PDE2A: variants seen among roughly 807,000 people sequenced by gnomAD.
The protein encoded by PDE2A is cGMP-dependent 3',5'-cyclic phosphodiesterase.
Under a neutral mutation model 133.6 loss-of-function variants are expected in PDE2A, and 53 were observed. That is an observed-to-expected ratio of 0.40 (90% CI 0.32 to 0.50). The LOEUF is 0.50. Ranked by LOEUF, PDE2A falls within the 20% of genes least tolerant of loss-of-function variation. PDE2A has a pLI of 0.73. For synonymous variants in PDE2A, 491 were observed against 490.2 expected, an observed-to-expected ratio of 1.00 and a Z score of -0.02; for missense variants, 796 against 1,232.4, an observed-to-expected ratio of 0.65 and a Z score of 5.30.
rs1161029854 is a variant in PDE2A, at chr11:72,578,860, G to A, written c.2469+37C>T. The A allele has an allele frequency of 1.5e-6, 2 of 1,326,094 alleles. No individual in the cohort carries two copies. Among genetic ancestry groups the A allele is most frequent in the South Asian group, 1.2e-5 (1 of 84,300 alleles). The allele number at this position is 1,326,094 out of a possible 1,614,324, so 82.1% of individuals were successfully genotyped here. A position where few individuals can be genotyped will look rare whatever the true frequency, so the allele number is the denominator to read the frequency against. ...GGGGGCACCCAAAGCTGGGCAGGGT[G>A]GGCAGCCTGTGCCTTCCCAGGGAGG... On this transcript the variant is annotated intron_variant, in intron 28 of 30. Transcript: ENST00000334456. The surrounding 1 kb of genome is among the most constrained non-coding windows in gnomAD (Gnocchi z 4.2).
In PDE2A at chr11:72,589,888, A is replaced by G. The variant is rs1461098513; in HGVS notation, c.831+19T>C. 4.2e-5 allele frequency: 67 copies of G among 1,611,398 alleles called. No homozygotes were observed. The highest frequency in any genetic ancestry group is 5.4e-5 in the Non-Finnish European group (64 of 1,178,580). ...TCGCCCAGCCCCGCCCCCGCTCTAC[A>G]GTGGACCTGGGCCCTCACCTTGCAA... is the stretch of plus-strand genomic sequence containing the variant. On this transcript the variant is annotated intron_variant, in intron 10 of 30. Coordinates refer to ENST00000334456, the MANE Select transcript of PDE2A (RefSeq NM_002599.5).
intron 1 of PDE2A, among the ~76,000 whole-genome samples, chr11:72,651,555 C>T (rs142078783): frequency 5.0e-4 from 76 of 152,272 alleles, no homozygotes; most frequent in Middle Eastern, 3.4e-3. Flanking sequence ...TAGACAAGTG[C>T]CTCCTGGAGA....
chr11:72,671,619 C>G (rs960075728), intron 1 of PDE2A, among the ~76,000 whole-genome samples: 1 of 151,990 alleles, frequency 6.6e-6, no homozygotes, highest in African/African-American at 2.4e-5. Flanking sequence ...GGAATGACTG[C>G]GGGGGGTGGG....
At position 72,584,770 on chromosome 11, in the gene PDE2A, C is replaced by T; in HGVS notation, c.1360-42G>A. 3 of 1,611,510 alleles carry T rather than the reference C, an allele frequency of 1.9e-6. No individual in the cohort carries two copies. In the South Asian group the frequency reaches 3.3e-5, roughly 18 times the overall value. On this transcript the variant is annotated intron_variant, in intron 17 of 30. Coordinates refer to ENST00000334456, the MANE Select transcript of PDE2A (RefSeq NM_002599.5). ...GGAGTCGAGAGGAAGAAGTTAGTGA[C>T]CCGGCCACAGAGGGGACTGTTAAAC... is the stretch of plus-strand genomic sequence containing the variant.
chr11:72,655,960 A>C (rs76162475), intron 1 of PDE2A, among the ~76,000 whole-genome samples: 2,243 of 152,236 alleles, frequency 0.015, 53 homozygotes, highest in African/African-American at 0.051. Context: ...CTTCTCCCCA[A>C]ACAAAATCAC....
At chr11:72,635,992 A>G in intron 2 of PDE2A, 1 of 1,246,136 alleles carries the variant, frequency 8.0e-7, no homozygotes, top group Non-Finnish European at 1.0e-6. Flanking sequence ...TGAGCTCCCG[A>G]AACTCCCATG....
At position 72,590,664 on chromosome 11, in the gene PDE2A, C is replaced by G. The variant is rs1223056165; in HGVS notation, c.550-84G>C. ...GCGGGATTCCTGCCTTTGCTCCCGC[C>G]GTTCCCTCTGCCTGCCGGGCCCAGG... On this transcript the variant is annotated intron_variant, in intron 7 of 30. Coordinates refer to ENST00000334456, the MANE Select transcript of PDE2A (RefSeq NM_002599.5). This position sits in a 1 kb window ranked among gnomAD's most constrained non-coding sequence, Gnocchi z 4.8. 1 of 1,254,272 alleles carries G rather than the reference C, an allele frequency of 8.0e-7. No individual in the cohort carries two copies. The highest frequency in any genetic ancestry group is 1.0e-6 in the Non-Finnish European group (1 of 975,234). The allele number at this position is 1,254,272 out of a possible 1,614,324, so 77.7% of individuals were successfully genotyped here.
chr11:72,579,567 G>A lies in PDE2A; in HGVS notation c.2223C>T (p.His741=), dbSNP rs372366765. 4.0e-5 allele frequency: 63 copies of A among 1,579,570 alleles called. No homozygotes were observed. Among genetic ancestry groups the A allele is most frequent in the Middle Eastern group, 1.7e-4 (1 of 5,914 alleles). Residue 741 remains histidine (H), a synonymous_variant, in exon 26 of 31, where the codon CAC becomes CAT. Transcript: ENST00000334456. ...FAQAIAILNT[H]GCNIFDHFSR... ...AGAAATGATCAAAGATGTTGCAGCC[G>A]TGGGTGTTGAGGATGGCGATGGCCT...
At position 72,578,383 on chromosome 11, in the gene PDE2A, T is replaced by C; in HGVS notation, c.2509-44A>G. On this transcript the variant is annotated intron_variant, in intron 29 of 30. Transcript: ENST00000334456. The surrounding 1 kb of genome is among the most constrained non-coding windows in gnomAD (Gnocchi z 4.2). ...CAGGCCTGTCCCTCTCATTCCTCCA[T>C]CGGGTACCAGGGTCAGGCTAGTTCA... 2 of 1,577,360 alleles carry C rather than the reference T, an allele frequency of 1.3e-6. No homozygotes were observed. The highest frequency in any genetic ancestry group is 1.7e-6 in the Non-Finnish European group (2 of 1,146,556).
At chr11:72,661,671 G>A (rs545998571) in intron 1 of PDE2A, among the ~76,000 whole-genome samples, 38 of 152,314 alleles carry the variant, frequency 2.5e-4, no homozygotes, top group African/African-American at 7.9e-4. Context: ...AGGGAATTCC[G>A]GGCAACAGCA....
Position 72,578,673 on chromosome 11 carries a change from G to A in PDE2A, c.2470-159C>T, listed in dbSNP as rs1428540495. 6.6e-6 allele frequency among the ~76,000 whole-genome samples: 1 copy of A among 152,228 alleles called. No individual in the cohort carries two copies. Among genetic ancestry groups the A allele is most frequent in the African/African-American group, 2.4e-5 (1 of 41,466 alleles). On this transcript the variant is annotated intron_variant, in intron 28 of 30. Coordinates refer to ENST00000334456, the MANE Select transcript of PDE2A (RefSeq NM_002599.5). The surrounding 1 kb of genome is among the most constrained non-coding windows in gnomAD (Gnocchi z 4.2). ...CCAGCTTGGCAGTGGGATGGCCTGA[G>A]GCAGGGAGTGGCTGGGTTGGGGCCC...
intron 1 of PDE2A, among the ~76,000 whole-genome samples, chr11:72,656,811 G>A (rs1035161730): frequency 2.6e-5 from 4 of 151,942 alleles, no homozygotes; most frequent in African/African-American, 9.7e-5. Flanking sequence ...ACTTAAGCTT[G>A]AGCAAGTCAC....
intron 6 of PDE2A, among the ~76,000 whole-genome samples, chr11:72,592,038 ACT>A (rs1229714985): frequency 1.3e-5 from 2 of 149,102 alleles, no homozygotes; most frequent in Non-Finnish European, 3.0e-5. Flanking sequence ...CTCTAGATCC[ACT>A]CTCTCCACCA....
At chr11:72,636,382 A>G (rs539377203) in intron 2 of PDE2A, among the ~76,000 whole-genome samples, 24 of 152,250 alleles carry the variant, frequency 1.6e-4, no homozygotes, top group Non-Finnish European at 3.4e-4. Flanking sequence ...ATTAAGTATT[A>G]CATTTCACAG....
At chr11:72,579,883 A>G in intron 25 of PDE2A, 2 of 441,486 alleles carry the variant, frequency 4.5e-6, no homozygotes, top group Non-Finnish European at 8.1e-6. Context: ...TGAAAGCTGG[A>G]ACATTTTTGA....
chr11:72,658,896 A>G (rs867829430), intron 1 of PDE2A, among the ~76,000 whole-genome samples: 14 of 151,860 alleles, frequency 9.2e-5, no homozygotes, highest in Middle Eastern at 6.8e-3. Context: ...GGGTCTCCCT[A>G]TGTTTCCCAG....
At chr11:72,602,916 G>T (rs550870921) in intron 4 of PDE2A, among the ~76,000 whole-genome samples, 15 of 152,304 alleles carry the variant, frequency 9.8e-5, no homozygotes, top group African/African-American at 3.4e-4. Flanking sequence ...CAACCCTGGG[G>T]CCTCTCCGCC....
rs1205664830 is a variant in PDE2A, at chr11:72,584,672, C to T, written c.1416G>A (p.Thr472=). The T allele has an allele frequency of 1.9e-5, 30 of 1,613,244 alleles. No individual in the cohort carries two copies. Among genetic ancestry groups the T allele is most frequent in the Non-Finnish European group, 2.4e-5 (28 of 1,180,032 alleles). Residue 472 remains threonine (T), a synonymous_variant, in exon 18 of 31, where the codon ACG becomes ACA. Coordinates refer to ENST00000334456, the MANE Select transcript of PDE2A (RefSeq NM_002599.5). ...CGTCAGGGATGTTCAGGATCTGGCC[C>T]GTGGTCGCCACGTGTCCCGCGATGC... ...DQGIAGHVAT[T]GQILNIPDAY...
At chr11:72,663,047 A>C (rs1348374475) in intron 1 of PDE2A, among the ~76,000 whole-genome samples, 1 of 152,064 alleles carries the variant, frequency 6.6e-6, no homozygotes, top group African/African-American at 2.4e-5. Context: ...GAAAACTCTC[A>C]GTTGTTCTTT....
Sources: allele counts gnomAD v4.1 joint callset (sites outside exome capture counted in the v4.1 genomes callset), GRCh38; gene constraint gnomAD v4.1.1; non-coding constraint Gnocchi (gnomAD v3.1); transcripts MANE v1.5; gene names NCBI Gene and HGNC (gene_info 2026-07-23, HGNC 2026-07-21).